MMP24: variants seen among roughly 807,000 people sequenced by gnomAD.
MMP24 encodes matrix metalloproteinase-24.
Under a neutral mutation model 62.8 loss-of-function variants are expected in MMP24, and 25 were observed. The ratio of observed to expected loss-of-function variants is 0.40; its 90% CI spans 0.29 to 0.56. The LOEUF (loss-of-function observed/expected upper bound fraction) is 0.56. Ranked by LOEUF, MMP24 falls within the 20% of genes least tolerant of loss-of-function variation. The pLI is 0.50. For synonymous variants in MMP24, 319 were observed against 350.5 expected, an observed-to-expected ratio of 0.91 and a Z score of 1.00; for missense variants, 634 against 853.6, an observed-to-expected ratio of 0.74 and a Z score of 3.21.
intron 1 of MMP24, among the ~76,000 whole-genome samples, chr20:35,234,878 G>A (rs1416194347): frequency 6.6e-6 from 1 of 152,170 alleles, no homozygotes; most frequent in Non-Finnish European, 1.5e-5. Flanking sequence ...CTGCACTCCA[G>A]CCTGAGCGAC....
chr20:35,246,771 A>G (rs892745930), intron 1 of MMP24, 69 bp from the exon 2 acceptor site: 1 of 1,565,394 alleles, frequency 6.4e-7, no homozygotes, highest in East Asian at 2.3e-5. Context: ...TGTTCAAGGC[A>G]CATCTCTGCC....
rs897242107 is a variant in MMP24 at position 35,269,005 on chromosome 20, T to G, written c.1195-755T>G. 1.5e-5 allele frequency among the ~76,000 whole-genome samples: 2 copies of G among 137,590 alleles called. No individual in the cohort carries two copies. Among genetic ancestry groups the G allele is most frequent in the Non-Finnish European group, 3.1e-5 (2 of 64,654 alleles). 90.3% of individuals were successfully genotyped at this position (137,590 alleles called of 152,430 possible). On this transcript the variant is annotated intron_variant, in intron 6 of 8. Coordinates refer to ENST00000246186, the MANE Select transcript of MMP24 (RefSeq NM_006690.4). The surrounding 1 kb of genome is among the most constrained non-coding windows in gnomAD (Gnocchi z 4.6). ...TTGCGCCACTGCACTCCAGCCTGGG[T>G]GACAGAGCGAGACTCCATCTAAAAA...
At position 35,254,684 on chromosome 20, in the gene MMP24, C is replaced by A. The variant is rs755333079; in HGVS notation, c.747C>A (p.Gly249=). The change falls in exon 4 of 9, where the codon GGC becomes GGA. Residue 249 remains glycine, a synonymous_variant. Coordinates refer to ENST00000246186, the MANE Select transcript of MMP24 (RefSeq NM_006690.4). ...GGFLAHAYFP[G]PGIGGDTHFD... ...TCCTGGCCCATGCCTACTTCCCTGG[C>A]CCAGGGATTGGAGGAGACACCCACT... The A allele has an allele frequency of 3.7e-6, 6 of 1,614,176 alleles. No individual in the cohort carries two copies. In the South Asian group the frequency reaches 5.5e-5, roughly 15 times the overall value.
At chr20:35,253,228 C>T (rs2060556717) in intron 3 of MMP24, among the ~76,000 whole-genome samples, 1 of 147,114 alleles carries the variant, frequency 6.8e-6, no homozygotes, top group South Asian at 2.1e-4. Context: ...AAGAGTTGAA[C>T]TAAGGGCTCC....
chr20:35,272,117 T>C, intron 8 of MMP24: 3 of 512,808 alleles, frequency 5.9e-6, no homozygotes. Flanking sequence ...ATCCTCAGTG[T>C]ACTCCAGGGA....
rs1295226192 is a variant in MMP24, at chr20:35,236,264, A to C, written c.246+9280A>C. The C allele has an allele frequency of 3.3e-5, 5 of 151,880 alleles. No individual in the cohort carries two copies. The East Asian group carries it at 9.7e-4, about 29-fold the overall frequency. 9.4% of individuals were successfully genotyped at this position (151,880 alleles called of 1,614,324 possible). On this transcript the variant is annotated intron_variant, in intron 1 of 8. Coordinates refer to ENST00000246186, the MANE Select transcript of MMP24 (RefSeq NM_006690.4). ...TGCAGAGGGTGTAGCATGACAGAAA[A>C]CCCTCTGAGAGGCAGAGATGCTTGC...
At chr20:35,236,351 G>A (rs185282736) in intron 1 of MMP24, among the ~76,000 whole-genome samples, 12 of 152,230 alleles carry the variant, frequency 7.9e-5, no homozygotes, top group East Asian at 5.8e-4. Flanking sequence ...TTCCCCTCCC[G>A]GAGTTTTCTT....
In MMP24 at chr20:35,233,764, A is replaced by G. The variant is rs112831876; in HGVS notation, c.246+6780A>G. Among the ~76,000 whole-genome samples, 814 of 152,292 alleles carry G rather than the reference A, an allele frequency of 5.3e-3. 8 individuals are homozygous for G. The highest frequency in any genetic ancestry group is 0.017 in the African/African-American group (724 of 41,548). The stretch of plus-strand genomic sequence containing the variant: ...CTTGGACGCAGCACCCACAAGGATC[A>G]CTTGAGTCCGGGAGTTTGAGACCAG... On this transcript the variant is annotated intron_variant, in intron 1 of 8. Transcript: ENST00000246186.
Position 35,263,776 on chromosome 20 carries a change from C to A in MMP24, c.818-15C>A, listed in dbSNP as rs2060616779. 2 of 1,515,404 alleles carry A rather than the reference C, an allele frequency of 1.3e-6. No homozygotes were observed. The highest frequency in any genetic ancestry group is 1.4e-5 in the African/African-American group (1 of 71,850). The allele number at this position is 1,515,404 out of a possible 1,614,324, so 93.9% of individuals were successfully genotyped here. ...AGCAGGTGCCCTGGGCACCTCCCCACACTCCTCTCCACAGGGAACGACCTC... is the reference window on the plus strand; with the variant it reads ...AGCAGGTGCCCTGGGCACCTCCCCAAACTCCTCTCCACAGGGAACGACCTC... On this transcript the variant is annotated splice_polypyrimidine_tract_variant and intron_variant, in intron 4 of 8. Transcript: ENST00000246186.
chr20:35,246,722 G>A (rs2060516461), intron 1 of MMP24, 118 bp from the exon 2 acceptor site: 1 of 1,177,586 alleles, frequency 8.5e-7, no homozygotes, highest in Non-Finnish European at 1.2e-6. Flanking sequence ...AGAACTCAGA[G>A]CATGAGTCCA....
rs892417530 is a variant in MMP24 at position 35,276,145 on chromosome 20, G to A, written c.*1536G>A. On this transcript the variant is annotated 3_prime_UTR_variant, in exon 9 of 9. Coordinates refer to ENST00000246186, the MANE Select transcript of MMP24 (RefSeq NM_006690.4). ...CCGACCCTGTGGTCTCTGGGATTGG[G>A]GTCGGCTTACCCTGTAGCACAGACA... The A allele has an allele frequency of 2.5e-6, 1 of 398,680 alleles. No individual in the cohort carries two copies. Among genetic ancestry groups the A allele is most frequent in the Non-Finnish European group, 4.4e-6 (1 of 226,110 alleles). The allele number at this position is 398,680 out of a possible 1,614,324, so 24.7% of individuals were successfully genotyped here.
intron 4 of MMP24, among the ~76,000 whole-genome samples, chr20:35,260,039 C>G (rs1054151856): frequency 2.6e-5 from 4 of 152,186 alleles, no homozygotes; most frequent in African/African-American, 9.7e-5. Flanking sequence ...GTCTGGCTCC[C>G]AGAGACTGCA....
rs1600801967 is a variant in MMP24 at position 35,266,114 on chromosome 20, G to A, written c.980-1091G>A. On this transcript the variant is annotated intron_variant, in intron 5 of 8. Coordinates refer to ENST00000246186, the MANE Select transcript of MMP24 (RefSeq NM_006690.4). Reference sequence around the variant, plus strand: ...GCACTTTGGGAGGCCAAGGTGGGTGGATCACTTGAGGTCAGGAGTTCAAGA... The same window carrying A: ...GCACTTTGGGAGGCCAAGGTGGGTGAATCACTTGAGGTCAGGAGTTCAAGA... 1.4e-5 allele frequency among the ~76,000 whole-genome samples: 2 copies of A among 143,050 alleles called. 1 individual carries two copies. Among genetic ancestry groups the A allele is most frequent in the South Asian group, 4.5e-4 (2 of 4,480 alleles). The allele number at this position is 143,050 out of a possible 152,430, so 93.8% of individuals were successfully genotyped here. A position where few individuals can be genotyped will look rare whatever the true frequency, so the allele number is the denominator to read the frequency against.
chr20:35,256,874 C>T (rs537298493), intron 4 of MMP24, among the ~76,000 whole-genome samples: 1 of 152,190 alleles, frequency 6.6e-6, no homozygotes, highest in African/African-American at 2.4e-5. Flanking sequence ...ATGAGAAACG[C>T]TATCTTAATA....
At chr20:35,258,623 A>C (rs2060586759) in intron 4 of MMP24, among the ~76,000 whole-genome samples, 1 of 152,150 alleles carries the variant, frequency 6.6e-6, no homozygotes, top group Non-Finnish European at 1.5e-5. Flanking sequence ...GACTAGATTC[A>C]AGTTCAATTT....
intron 4 of MMP24, among the ~76,000 whole-genome samples, chr20:35,260,038 CCA>C (rs1356649831): frequency 6.6e-6 from 1 of 152,174 alleles, no homozygotes; most frequent in Non-Finnish European, 1.5e-5. Flanking sequence ...AGTCTGGCTC[CCA>C]GAGACTGCAT....
In MMP24 at chr20:35,276,777, C is replaced by G. The variant is rs1456003583; in HGVS notation, c.*2168C>G. The G allele has an allele frequency of 6.5e-6, 1 of 153,502 alleles. No homozygotes were observed. The highest frequency in any genetic ancestry group is 1.5e-5 in the Non-Finnish European group (1 of 68,688). The allele number at this position is 153,502 out of a possible 1,614,324, so 9.5% of individuals were successfully genotyped here. On this transcript the variant is annotated 3_prime_UTR_variant, in exon 9 of 9. Transcript: ENST00000246186. ...GATGTGGGGCCAGGCCCAGAGGGCTCAGCCTAGAGGCTTCCAATCTCAGAT... is the reference window on the plus strand; with the variant it reads ...GATGTGGGGCCAGGCCCAGAGGGCTGAGCCTAGAGGCTTCCAATCTCAGAT...
At chr20:35,232,400 T>C (rs1215980744) in intron 1 of MMP24, among the ~76,000 whole-genome samples, 2 of 152,230 alleles carry the variant, frequency 1.3e-5, no homozygotes, top group East Asian at 3.8e-4. Context: ...AATTTTGTTA[T>C]CTAATCCCCA....
chr20:35,251,848 T>G, intron 2 of MMP24, 57 bp from the exon 3 acceptor site: 9 of 1,394,032 alleles, frequency 6.5e-6, no homozygotes, highest in Admixed American at 1.7e-5. Flanking sequence ...AGTCCCTTCC[T>G]AAAGTGTTCA....
Sources: gnomAD v4.1 joint callset for allele counts (sites outside exome capture counted in the v4.1 genomes callset) on GRCh38, gnomAD v4.1.1 for gene constraint, Gnocchi (gnomAD v3.1) non-coding constraint, MANE v1.5 for transcripts, NCBI Gene and HGNC (gene_info 2026-07-23, HGNC 2026-07-21) for gene names.